MYO9A: variants seen among roughly 807,000 people sequenced by gnomAD.
The protein encoded by MYO9A is myosin IXA.
A neutral mutation model predicts 293.3 loss-of-function variants in MYO9A; 103 were observed. The ratio of observed to expected loss-of-function variants is 0.35; its 90% CI spans 0.30 to 0.41. The LOEUF is 0.41. Among genes scored for constraint, MYO9A ranks in the 10% least tolerant of loss-of-function variants. The pLI, the probability that MYO9A is intolerant of heterozygous loss-of-function variation, is 1.00. For missense variants in MYO9A, 2,685 were observed against 3,033.0 expected (o/e 0.89, Z 2.69); for synonymous variants, 1,001 against 1,035.7 (o/e 0.97, Z 0.64).
intron 24 of MYO9A, 52 bp downstream of exon 24, chr15:71,899,635 C>G: frequency 6.7e-7 from 1 of 1,486,294 alleles, no homozygotes. Flanking sequence ...GAGGTATAAA[C>G]AAAGTACTTG....
chr15:71,928,056 A>AATTT (rs2058371550), intron 18 of MYO9A, among the ~76,000 whole-genome samples: 3 of 6,040 alleles, frequency 5.0e-4, no homozygotes. Context: ...ATATATATAT[A>AATTT]TTTTTTTTTT....
At chr15:72,027,663 G>A (rs536334788) in intron 4 of MYO9A, 68 bp downstream of exon 4, 177 of 1,198,906 alleles carry the variant, frequency 1.5e-4, no homozygotes, top group Non-Finnish European at 2.0e-4. Context: ...AATACACAAA[G>A]ACCTTAAAAG....
intron 18 of MYO9A, among the ~76,000 whole-genome samples, chr15:71,930,831 T>G (rs1466206673): frequency 6.6e-6 from 1 of 152,198 alleles, no homozygotes. Flanking sequence ...ATGACTTCCA[T>G]CCTTTTATCT....
intron 18 of MYO9A, among the ~76,000 whole-genome samples, chr15:71,921,301 T>C (rs1294442074): frequency 6.6e-6 from 1 of 152,208 alleles, no homozygotes; most frequent in Non-Finnish European, 1.5e-5. Context: ...GGCTAACTTG[T>C]TATCCAAAAG....
chr15:71,965,831 C>CTT (rs2075860731), intron 13 of MYO9A, among the ~76,000 whole-genome samples: 1 of 152,110 alleles, frequency 6.6e-6, no homozygotes, highest in Admixed American at 6.6e-5. Flanking sequence ...TAAAATGTCC[C>CTT]TTTGTATCTC....
intron 1 of MYO9A, among the ~76,000 whole-genome samples, chr15:72,090,985 T>A (rs970879411): frequency 6.7e-5 from 10 of 149,672 alleles, no homozygotes; most frequent in South Asian, 6.3e-4. Context: ...AAAAAAAAAA[T>A]AAATAAATAA....
intron 28 of MYO9A, among the ~76,000 whole-genome samples, chr15:71,882,241 T>C (rs1453412674): frequency 6.6e-6 from 1 of 152,226 alleles, no homozygotes; most frequent in East Asian, 1.9e-4. Flanking sequence ...TTCACCCACA[T>C]TACCATATAT....
At chr15:72,007,022 G>A (rs1338686695) in intron 8 of MYO9A, among the ~76,000 whole-genome samples, 1 of 152,174 alleles carries the variant, frequency 6.6e-6, no homozygotes, top group Non-Finnish European at 1.5e-5. Flanking sequence ...AGATAAGCAA[G>A]GGAAGAAGGC....
At chr15:72,076,890 G>A (rs1267016691) in intron 1 of MYO9A, among the ~76,000 whole-genome samples, 1 of 152,072 alleles carries the variant, frequency 6.6e-6, no homozygotes, top group Admixed American at 6.6e-5. Flanking sequence ...ACAGATCAAT[G>A]AAACAGAAAA....
At chr15:71,884,100 T>TC (rs1355390972) in intron 27 of MYO9A, among the ~76,000 whole-genome samples, 1 of 152,124 alleles carries the variant, frequency 6.6e-6, no homozygotes, top group African/African-American at 2.4e-5. Flanking sequence ...TTCATTCTTG[T>TC]CCCCCATCCA....
chr15:71,863,048 C>A (rs1263761626), intron 32 of MYO9A, among the ~76,000 whole-genome samples: 1 of 151,366 alleles, frequency 6.6e-6, no homozygotes, highest in African/African-American at 2.4e-5. Flanking sequence ...GCTTTTGCCT[C>A]CCAAATAGCT....
intron 4 of MYO9A, among the ~76,000 whole-genome samples, chr15:72,024,905 A>G (rs2077616107): frequency 6.6e-6 from 1 of 152,206 alleles, no homozygotes. Flanking sequence ...GCAGGAATAG[A>G]AGAACAGAAG....
chr15:72,028,218 A>ATATATATATATATATATATATATAT (rs1555408278), intron 3 of MYO9A, among the ~76,000 whole-genome samples: 5 of 134,254 alleles, frequency 3.7e-5, no homozygotes, highest in Non-Finnish European at 6.3e-5. Context: ...TAAATAAATA[A>ATATATATATATATATATATATATAT]ATATATATAT....
chr15:72,043,951 TA>T (rs1330352685), intron 2 of MYO9A, among the ~76,000 whole-genome samples: 14 of 110,144 alleles, frequency 1.3e-4, no homozygotes, highest in Admixed American at 3.8e-4. Context: ...TTTTTTTTTT[TA>T]AATTGGCAAG....
At chr15:71,930,953 A>G (rs1188849150) in intron 18 of MYO9A, among the ~76,000 whole-genome samples, 1 of 151,904 alleles carries the variant, frequency 6.6e-6, no homozygotes, top group African/African-American at 2.4e-5. Context: ...GCATGCATAA[A>G]CCCTACACTT....
intron 4 of MYO9A, among the ~76,000 whole-genome samples, chr15:72,025,285 A>G (rs551072798): frequency 6.6e-5 from 10 of 152,228 alleles, no homozygotes; most frequent in South Asian, 2.1e-4. Context: ...CAAAAGGGCC[A>G]ATCCATCAAG....
rs372235170 is a variant in MYO9A at position 71,997,317 on chromosome 15, A to G, written c.1470+2534T>C. ...GTTTTTATATATTTATTAAAGAAATAACAGCCGGGCGTGGTGGCTCACGCC... is the reference window on the plus strand; with the variant it reads ...GTTTTTATATATTTATTAAAGAAATGACAGCCGGGCGTGGTGGCTCACGCC... On this transcript the variant is annotated intron_variant, in intron 9 of 41. Coordinates refer to ENST00000356056, the MANE Select transcript of MYO9A (RefSeq NM_006901.4). Among the ~76,000 whole-genome samples the G allele has an allele frequency of 7.2e-5, 11 of 152,250 alleles. No homozygotes were observed. The East Asian group carries it at 1.9e-3, about 27-fold the overall frequency.
rs201342227 is a variant in MYO9A at position 72,102,500 on chromosome 15, A to T, written c.-72+15180T>A. On this transcript the variant is annotated intron_variant, in intron 1 of 41. Coordinates refer to ENST00000356056, the MANE Select transcript of MYO9A (RefSeq NM_006901.4). ...TTATCAATAAAAAATAAATAAATTT[A>T]AAAAAAAAAAAAAAAAGAAATAACA... Among the ~76,000 whole-genome samples the T allele has an allele frequency of 1.7e-3, 191 of 109,608 alleles. 1 individual carries two copies. The highest frequency in any genetic ancestry group is 3.1e-3 in the Admixed American group (35 of 11,280). The allele number at this position is 109,608 out of a possible 152,430, so 71.9% of individuals were successfully genotyped here.
intron 12 of MYO9A, 103 bp from the exon 13 acceptor site, chr15:71,968,228 T>C (rs1282158357): frequency 3.1e-6 from 3 of 974,416 alleles, no homozygotes; most frequent in Non-Finnish European, 4.2e-6. Context: ...ATTGCCATCT[T>C]ACATAGCAGT....
Sources: gnomAD v4.1 joint callset for allele counts (sites outside exome capture counted in the v4.1 genomes callset) on GRCh38, gnomAD v4.1.1 for gene constraint, MANE v1.5 for transcripts, NCBI Gene and HGNC (gene_info 2026-07-23, HGNC 2026-07-21) for gene names.